ACSM1: variants seen among roughly 807,000 people sequenced by gnomAD.
ACSM1 encodes acyl-coenzyme A synthetase ACSM1, mitochondrial.
A neutral mutation model predicts 75.8 loss-of-function variants in ACSM1; 79 were observed. The ratio of observed to expected loss-of-function variants is 1.04; its 90% CI spans 0.87 to 1.26. ACSM1 has a LOEUF of 1.26. Ranked by LOEUF, ACSM1 falls within the 50% of genes most tolerant of loss-of-function variation. The pLI is 0.00. For synonymous variants in ACSM1, 279 were observed against 265.8 expected, an observed-to-expected ratio of 1.05 and a Z score of -0.48; for missense variants, 676 against 720.1, an observed-to-expected ratio of 0.94 and a Z score of 0.70.
At chr16:20,683,853 C>T (rs1410191623) in intron 3 of ACSM1, among the ~76,000 whole-genome samples, 1 of 152,080 alleles carries the variant, frequency 6.6e-6, no homozygotes, top group Non-Finnish European at 1.5e-5. Context: ...TAGGCCTAAG[C>T]CACCACCCAG....
At chr16:20,666,170 T>C (rs1567288639) in intron 6 of ACSM1, among the ~76,000 whole-genome samples, 1 of 151,852 alleles carries the variant, frequency 6.6e-6, no homozygotes, top group African/African-American at 2.4e-5. Context: ...GATATTCAAA[T>C]AGAAAAAAAG....
rs2019803963 is a variant in ACSM1, at chr16:20,669,948, C to G, written c.791G>C (p.Trp264Ser). 2.5e-6 allele frequency: 4 copies of G among 1,613,896 alleles called. No homozygotes were observed. In the East Asian group the frequency reaches 6.7e-5, roughly 27 times the overall value. ...AATCCATCCTGAGTCCGACAGGCAC[C>G]AGGAGACATCAGATGTCTTCAGGCT... is the stretch of plus-strand genomic sequence containing the variant. ...LRSLKTSDVS[W>S]CLSDSGWIVA... The change falls in exon 6 of 14, where the codon TGG (tryptophan) becomes TCG (serine). Residue 264 changes from tryptophan to serine, a missense_variant. Transcript: ENST00000520010.
At position 20,623,891 on chromosome 16, in the gene ACSM1, T is replaced by G. The variant is rs1052332890; in HGVS notation, c.1647+205A>C. On this transcript the variant is annotated intron_variant, in intron 13 of 13. Coordinates refer to ENST00000520010, the MANE Select transcript of ACSM1 (RefSeq NM_001318890.3). ...CTGACAGGTCCCATATGGAGGCTGC[T>G]CCTTTATTCTGGTGGCAGAATGAGG... Among the ~76,000 whole-genome samples, 13 of 152,174 alleles carry G rather than the reference T, an allele frequency of 8.5e-5. 1 individual carries two copies.
At chr16:20,634,449 C>T (rs1030199127) in intron 10 of ACSM1, among the ~76,000 whole-genome samples, 2 of 152,072 alleles carry the variant, frequency 1.3e-5, no homozygotes, top group African/African-American at 2.4e-5. Context: ...ACCAAAATGT[C>T]CATTAAGAGA....
chr16:20,691,751 A>C, intron 1 of ACSM1, among the ~76,000 whole-genome samples: 2 of 134,106 alleles, frequency 1.5e-5, no homozygotes, highest in East Asian at 2.4e-4. Flanking sequence ...TACCTCTCCA[A>C]TGTGTGTGTG....
chr16:20,627,558 C>T (rs1041840397), intron 10 of ACSM1, among the ~76,000 whole-genome samples: 1 of 152,024 alleles, frequency 6.6e-6, no homozygotes, highest in South Asian at 2.1e-4. Flanking sequence ...CTGCCACGTG[C>T]GGTGGCTCAC....
intron 2 of ACSM1, among the ~76,000 whole-genome samples, chr16:20,689,244 A>G (rs1340912203): frequency 1.3e-5 from 2 of 152,006 alleles, no homozygotes; most frequent in Non-Finnish European, 2.9e-5. Context: ...ATAGATTGCT[A>G]GAACTACAAG....
intron 3 of ACSM1, among the ~76,000 whole-genome samples, chr16:20,684,342 T>C (rs889130289): frequency 6.6e-6 from 1 of 152,226 alleles, no homozygotes; most frequent in Non-Finnish European, 1.5e-5. Context: ...ATGAATTATT[T>C]ATTAATTACA....
At chr16:20,693,156 C>G (rs1339496027) in intron 1 of ACSM1, among the ~76,000 whole-genome samples, 1 of 138,840 alleles carries the variant, frequency 7.2e-6, no homozygotes, top group East Asian at 2.1e-4. Context: ...GGCAACAGAG[C>G]AAAATTCCGT....
intron 7 of ACSM1, among the ~76,000 whole-genome samples, chr16:20,653,451 A>C (rs2018765950): frequency 1.3e-5 from 2 of 152,198 alleles, no homozygotes; most frequent in South Asian, 4.1e-4. Flanking sequence ...TTAGGAAAAG[A>C]GGAAGTCAAA....
In ACSM1 at chr16:20,682,438, G is replaced by C. The variant is rs376257837; in HGVS notation, c.429C>G (p.Ile143Met). ...AGAGAATGTCTTTGGCCTTCAACAG[G>C]ATGGTCGCAGGAATGAAGATGATCC... ...RTGIIFIPAT[I>M]LLKAKDILYR... is the part of the protein sequence containing the mutation. The change falls in exon 4 of 14, where the codon ATC becomes ATG. Residue 143 changes from isoleucine (I) to methionine (M), a missense_variant. By Grantham distance (10) the Ile-to-Met change is conservative. Transcript: ENST00000520010. 3.7e-6 allele frequency: 6 copies of C among 1,613,598 alleles called. No individual in the cohort carries two copies. In the African/African-American group the frequency reaches 6.7e-5, roughly 18 times the overall value.
chr16:20,670,292 T>G (rs1218089861), intron 5 of ACSM1, among the ~76,000 whole-genome samples: 2 of 152,222 alleles, frequency 1.3e-5, no homozygotes, highest in East Asian at 3.9e-4. Context: ...GGCATCAACC[T>G]TGACCTCCTC....
chr16:20,689,691 T>C (rs981314457), intron 2 of ACSM1, among the ~76,000 whole-genome samples: 1 of 152,238 alleles, frequency 6.6e-6, no homozygotes, highest in Non-Finnish European at 1.5e-5. Context: ...CTCAAATTTA[T>C]ATAGTAATGT....
At chr16:20,678,725 C>CA (rs1397506893) in intron 4 of ACSM1, among the ~76,000 whole-genome samples, 1 of 152,180 alleles carries the variant, frequency 6.6e-6, no homozygotes, top group African/African-American at 2.4e-5. Context: ...ATGGAAATAA[C>CA]ATATAGCCTA....
chr16:20,647,521 G>A (rs1397250725), intron 7 of ACSM1, among the ~76,000 whole-genome samples: 1 of 152,136 alleles, frequency 6.6e-6, no homozygotes, highest in Admixed American at 6.5e-5. Context: ...AAAGGGAAAG[G>A]GGAGATATGT....
chr16:20,676,517 C>T (rs201216115), intron 4 of ACSM1, among the ~76,000 whole-genome samples: 2 of 152,178 alleles, frequency 1.3e-5, no homozygotes, highest in Admixed American at 1.3e-4. Context: ...ATATCAGGCA[C>T]AAATTGCAGA....
chr16:20,677,293 TATC>T, intron 4 of ACSM1, among the ~76,000 whole-genome samples: 1 of 151,584 alleles, frequency 6.6e-6, no homozygotes, highest in South Asian at 2.1e-4. Context: ...TAACTAAGCT[TATC>T]TTCTTGTATG....
intron 1 of ACSM1, 72 bp downstream of exon 1, chr16:20,697,556 TACACACAC>T (rs57633278): frequency 0.07 from 9,714 of 139,490 alleles, 424 homozygotes; most frequent in African/African-American, 0.12. Context: ...AAAATTGGAT[TACACACAC>T]ACACACACAC....
At chr16:20,650,865 T>A (rs1295847532) in intron 7 of ACSM1, among the ~76,000 whole-genome samples, 1 of 152,116 alleles carries the variant, frequency 6.6e-6, no homozygotes, top group East Asian at 1.9e-4. Flanking sequence ...GACTATAGAG[T>A]ACATAGCTTC....
Sources: gnomAD v4.1 joint callset for allele counts (sites outside exome capture counted in the v4.1 genomes callset) on GRCh38, gnomAD v4.1.1 for gene constraint, MANE v1.5 for transcripts, NCBI Gene and HGNC (gene_info 2026-07-23, HGNC 2026-07-21) for gene names.